Variants in ZRANB1 observed in about 807,000 individuals in gnomAD.
ZRANB1 encodes the protein ubiquitin thioesterase ZRANB1.
ZRANB1 carries 16 observed loss-of-function variants against 80.5 expected under a neutral mutation model. The ratio of observed to expected loss-of-function variants is 0.20; its 90% CI spans 0.13 to 0.30. The LOEUF (loss-of-function observed/expected upper bound fraction) is 0.30. ZRANB1 is among the 10% of genes least tolerant of loss of function. The pLI is 1.00. For missense variants in ZRANB1, 576 were observed against 862.6 expected, an observed-to-expected ratio of 0.67 and a Z score of 4.16; for synonymous variants, 291 against 293.1, an observed-to-expected ratio of 0.99 and a Z score of 0.07.
In ZRANB1 at chr10:124,971,975, A is replaced by C; in HGVS notation, c.1013A>C (p.Gln338Pro). The change falls in exon 3 of 9, where the codon CAA (glutamine) becomes CCA (proline). Residue 338 changes from glutamine (Q) to proline (P), a missense_variant. By Grantham distance (76) the Gln-to-Pro change is moderately conservative (BLOSUM62 -1). Around this residue, in one of 3 missense-constraint regions of ZRANB1, gnomAD observed 411 missense variants for 583.1 expected, o/e 0.70. Coordinates refer to ENST00000359653, the MANE Select transcript of ZRANB1 (RefSeq NM_017580.3). ...LAILLTEVSQ[Q>P]AAKCIPAMVC... ...TCTTTTGTATTTAAGGTGTCTCAACAAGCAGCAAAGTGTATTCCAGCAATG... is the reference window on the plus strand; with the variant it reads ...TCTTTTGTATTTAAGGTGTCTCAACCAGCAGCAAAGTGTATTCCAGCAATG... 6.3e-7 allele frequency: 1 copy of C among 1,595,868 alleles called. No homozygotes were observed. Among genetic ancestry groups the C allele is most frequent in the Non-Finnish European group, 8.5e-7 (1 of 1,172,110 alleles).
the ZRANB1 span, among the ~76,000 whole-genome samples, chr10:124,920,167 C>G: frequency 6.6e-6 from 1 of 152,050 alleles, no homozygotes; most frequent in Non-Finnish European, 1.5e-5. Flanking sequence ...AGATGATCAT[C>G]TGCCTGCCTC....
chr10:124,985,710 G>A lies in ZRANB1; in HGVS notation c.*718G>A, dbSNP rs1952017593. 6.6e-6 allele frequency: 1 copy of A among 152,526 alleles called. No homozygotes were observed. The highest frequency in any genetic ancestry group is 1.5e-5 in the Non-Finnish European group (1 of 68,038). The allele number at this position is 152,526 out of a possible 1,614,324, so 9.4% of individuals were successfully genotyped here. On this transcript the variant is annotated 3_prime_UTR_variant, in exon 9 of 9. Coordinates refer to ENST00000359653, the MANE Select transcript of ZRANB1 (RefSeq NM_017580.3). ...CAATATTTAGATATTTATTTGTTGG[G>A]AAGAATACCTTAAAATGAGGGTTCT...
At chr10:124,984,651 A>G (rs889152357) in intron 8 of ZRANB1, 123 bp from the exon 9 acceptor site, 13 of 962,856 alleles carry the variant, frequency 1.4e-5, no homozygotes, top group Non-Finnish European at 1.7e-5. Context: ...AAACCATGTG[A>G]AAAGTTGATT....
the ZRANB1 span, among the ~76,000 whole-genome samples, chr10:124,934,205 C>T: frequency 2.6e-5 from 4 of 152,090 alleles, no homozygotes; most frequent in Admixed American, 2.0e-4. Flanking sequence ...CTGATAAGGC[C>T]AAGGTCACCC....
At chr10:124,951,343 A>G (rs1436150337) in intron 1 of ZRANB1, among the ~76,000 whole-genome samples, 1 of 152,218 alleles carries the variant, frequency 6.6e-6, no homozygotes, top group Non-Finnish European at 1.5e-5. Context: ...TGTGAAGGAA[A>G]AGTCATTTAG....
In ZRANB1 at chr10:124,943,208, G is replaced by A. The variant is rs143761266; in HGVS notation, c.715G>A (p.Val239Met). The stretch of plus-strand genomic sequence containing the variant: ...TCAGAGGATTGAATTGGCTGGTGCT[G>A]TGGGAAGCAAGGAGGAACTTGAAGT... ...DFQRIELAGAVGSKEELEVDF... is the reference protein window; with the variant it reads ...DFQRIELAGAMGSKEELEVDF... Residue 239 changes from valine to methionine, a missense_variant, in exon 1 of 9, where the codon GTG becomes ATG. Coordinates refer to ENST00000359653, the MANE Select transcript of ZRANB1 (RefSeq NM_017580.3). The A allele has an allele frequency of 4.1e-4, 654 of 1,614,098 alleles. 1 individual carries two copies. The highest frequency in any genetic ancestry group is 5.3e-4 in the Non-Finnish European group (623 of 1,180,060).
At chr10:124,982,195 G>A (rs776510232) in intron 6 of ZRANB1, among the ~76,000 whole-genome samples, 5 of 152,176 alleles carry the variant, frequency 3.3e-5, no homozygotes, top group Non-Finnish European at 5.9e-5. Context: ...GATGCCTATG[G>A]TACCTATCCA....
At chr10:124,976,791 C>A (rs904083267) in intron 5 of ZRANB1, among the ~76,000 whole-genome samples, 1 of 150,762 alleles carries the variant, frequency 6.6e-6, no homozygotes, top group Non-Finnish European at 1.5e-5. Context: ...AGGCTGGTCT[C>A]GAACTCCTGA....
chr10:124,952,781 T>C (rs1014613666), intron 1 of ZRANB1, among the ~76,000 whole-genome samples: 1 of 152,090 alleles, frequency 6.6e-6, no homozygotes, highest in African/African-American at 2.4e-5. Context: ...CAGCTAATTT[T>C]TGTATTTTTA....
chr10:124,924,101 G>T, the ZRANB1 span, among the ~76,000 whole-genome samples: 1 of 151,046 alleles, frequency 6.6e-6, no homozygotes, highest in Non-Finnish European at 1.5e-5. Context: ...ATGGGGTCTT[G>T]GTACGTTACT....
the ZRANB1 span, among the ~76,000 whole-genome samples, chr10:124,919,318 G>T: frequency 6.6e-6 from 1 of 152,108 alleles, no homozygotes; most frequent in African/African-American, 2.4e-5. Flanking sequence ...GTTGAGGCGG[G>T]CGGATCGCCT....
chr10:124,978,864 C>T (rs1480484232), intron 5 of ZRANB1, among the ~76,000 whole-genome samples: 1 of 144,732 alleles, frequency 6.9e-6, no homozygotes, highest in Non-Finnish European at 1.5e-5. Flanking sequence ...AGGCTGGTCT[C>T]AGACTCCCAC....
the ZRANB1 span, among the ~76,000 whole-genome samples, chr10:124,918,192 AT>A: frequency 1.3e-5 from 2 of 151,496 alleles, no homozygotes; most frequent in African/African-American, 4.9e-5. Flanking sequence ...ATTGGAGATA[AT>A]TTTTTTTTGT....
At chr10:124,936,082 T>C in the ZRANB1 span, among the ~76,000 whole-genome samples, 4,562 of 152,224 alleles carry the variant, frequency 0.03, 219 homozygotes, top group African/African-American at 0.1. Flanking sequence ...TCTATTGTGC[T>C]TCTGTATCTA....
intron 1 of ZRANB1, among the ~76,000 whole-genome samples, chr10:124,958,792 T>G (rs1177167181): frequency 5.3e-5 from 8 of 152,248 alleles, no homozygotes; most frequent in Admixed American, 5.2e-4. Context: ...TATTTTTTTC[T>G]GTGAGTTGTT....
chr10:124,951,432 C>T (rs1019642363), intron 1 of ZRANB1, among the ~76,000 whole-genome samples: 17 of 152,014 alleles, frequency 1.1e-4, no homozygotes, highest in South Asian at 2.1e-4. Context: ...CATGTCAAAA[C>T]GGAAAAGGAA....
chr10:124,983,221 T>C lies in ZRANB1; in HGVS notation c.1595T>C (p.Ile532Thr), dbSNP rs747371113. ...ACGCACATTTTTGTACTGGCACATATTCTTAGACGACCAATTATAGTTTAT... is the reference window on the plus strand; with the variant it reads ...ACGCACATTTTTGTACTGGCACATACTCTTAGACGACCAATTATAGTTTAT... Reference protein sequence around the residue: ...EQTHIFVLAHILRRPIIVYGV... With the variant: ...EQTHIFVLAHTLRRPIIVYGV... The change falls in exon 7 of 9, where the codon ATT becomes ACT. Residue 532 changes from isoleucine to threonine, a missense_variant. By Grantham distance (89) the Ile-to-Thr change is moderately conservative. Around this residue, in one of 3 missense-constraint regions of ZRANB1, gnomAD observed 152 missense variants for 221.9 expected, o/e 0.69. Coordinates refer to ENST00000359653, the MANE Select transcript of ZRANB1 (RefSeq NM_017580.3). The surrounding 1 kb of genome is among the most constrained non-coding windows in gnomAD (Gnocchi z 6.2). 1 of 1,614,218 alleles carries C rather than the reference T, an allele frequency of 6.2e-7. No individual in the cohort carries two copies. Among genetic ancestry groups the C allele is most frequent in the South Asian group, 1.1e-5 (1 of 91,082 alleles).
intron 1 of ZRANB1, among the ~76,000 whole-genome samples, chr10:124,951,051 A>G (rs1951634878): frequency 6.6e-6 from 1 of 151,940 alleles, no homozygotes. Context: ...AAAAAAAAAA[A>G]TAGCAAAGTG....
Position 124,959,443 on chromosome 10 carries a change from C to G in ZRANB1, c.815-7151C>G, listed in dbSNP as rs1449498502. ...CTGGTTAAGGAATTTAGCTGTTAAC[C>G]TGAGGGCAGTGGTAAACTTTTTTTT... On this transcript the variant is annotated intron_variant, in intron 1 of 8. Coordinates refer to ENST00000359653, the MANE Select transcript of ZRANB1 (RefSeq NM_017580.3). Among the ~76,000 whole-genome samples, 4 of 151,598 alleles carry G rather than the reference C, an allele frequency of 2.6e-5. 1 individual carries two copies. The East Asian group carries it at 7.7e-4, about 29-fold the overall frequency.
Sources: allele counts gnomAD v4.1 joint callset (sites outside exome capture counted in the v4.1 genomes callset), GRCh38; gene constraint gnomAD v4.1.1; regional missense constraint gnomAD v4.1.1; non-coding constraint Gnocchi (gnomAD v3.1); transcripts MANE v1.5; gene names NCBI Gene and HGNC (gene_info 2026-07-23, HGNC 2026-07-21).